Variants in DSCAM observed in about 807,000 individuals in gnomAD.
DSCAM encodes the protein DS cell adhesion molecule.
A neutral mutation model predicts 217.7 loss-of-function variants in DSCAM; 47 were observed. The observed-to-expected ratio is 0.22, with a 90% CI of 0.17 to 0.28. DSCAM has a LOEUF of 0.28. Ranked by LOEUF, DSCAM falls within the 10% of genes least tolerant of loss-of-function variation. The pLI is 1.00. For synonymous variants in DSCAM, 1,056 were observed against 1,015.3 expected (o/e 1.04, Z -0.76); for missense variants, 2,080 against 2,618.3 (o/e 0.79, Z 4.49).
At chr21:40,562,715 G>A (rs747215985) in intron 3 of DSCAM, among the ~76,000 whole-genome samples, 5 of 152,158 alleles carry the variant, frequency 3.3e-5, no homozygotes, top group Non-Finnish European at 7.4e-5. Flanking sequence ...TCTGCTATGT[G>A]TATGAGCCTG....
intron 3 of DSCAM, among the ~76,000 whole-genome samples, chr21:40,608,950 T>C (rs1421432348): frequency 6.6e-6 from 1 of 152,120 alleles, no homozygotes; most frequent in Admixed American, 6.6e-5. Flanking sequence ...CTTCAGATTG[T>C]TATTAATTAA....
intron 3 of DSCAM, among the ~76,000 whole-genome samples, chr21:40,375,903 A>G (rs944912655): frequency 3.9e-5 from 6 of 152,208 alleles, no homozygotes; most frequent in Non-Finnish European, 5.9e-5. Flanking sequence ...TCCTCCAGAG[A>G]TGAATATATT....
chr21:40,108,541 T>C (rs2089852097), intron 20 of DSCAM, among the ~76,000 whole-genome samples: 1 of 152,198 alleles, frequency 6.6e-6, no homozygotes, highest in Non-Finnish European at 1.5e-5. Context: ...TGCTCATGAA[T>C]AGGAAGAATC....
chr21:40,137,639 ACACACATT>A (rs1338783565), intron 18 of DSCAM, among the ~76,000 whole-genome samples: 107 of 108,504 alleles, frequency 9.9e-4, no homozygotes, highest in African/African-American at 4.3e-3. Flanking sequence ...ACACACACAC[ACACACATT>A]AACTGAAGTG....
At chr21:40,131,661 GCGAT>G (rs2090155815) in intron 19 of DSCAM, among the ~76,000 whole-genome samples, 1 of 152,150 alleles carries the variant, frequency 6.6e-6, no homozygotes, top group African/African-American at 2.4e-5. Context: ...CTGGCCTCAA[GCGAT>G]CCACCACTCC....
rs1490776188 is a variant in DSCAM at position 40,175,793 on chromosome 21, A to G, written c.2947+3134T>C. Among the ~76,000 whole-genome samples, 3 of 105,296 alleles carry G rather than the reference A, an allele frequency of 2.8e-5. No homozygotes were observed. The East Asian group carries it at 8.5e-4, about 30-fold the overall frequency. The allele number at this position is 105,296 out of a possible 152,430, so 69.1% of individuals were successfully genotyped here. A position where few individuals can be genotyped will look rare whatever the true frequency, so the allele number is the denominator to read the frequency against. On this transcript the variant is annotated intron_variant, in intron 15 of 32. Transcript: ENST00000400454. Reference sequence around the variant, plus strand: ...TCAACACACACATACACACACACACACACACACACACACACGCACACACAC... The same window carrying G: ...TCAACACACACATACACACACACACGCACACACACACACACGCACACACAC...
chr21:40,102,918 C>G (rs181195426), intron 20 of DSCAM, among the ~76,000 whole-genome samples: 26 of 152,284 alleles, frequency 1.7e-4, no homozygotes, highest in Admixed American at 3.3e-4. Flanking sequence ...AGGGGTCAGG[C>G]TCCCCGACCC....
intron 11 of DSCAM, among the ~76,000 whole-genome samples, chr21:40,223,615 GTATC>G (rs2091307282): frequency 6.6e-6 from 1 of 152,038 alleles, no homozygotes; most frequent in Admixed American, 6.5e-5. Context: ...ACACATCCAT[GTATC>G]TATCTAAATA....
chr21:40,664,247 T>C (rs1297633019), intron 3 of DSCAM, among the ~76,000 whole-genome samples: 1 of 152,212 alleles, frequency 6.6e-6, no homozygotes, highest in African/African-American at 2.4e-5. Context: ...GGGAGATCTG[T>C]ATTGGCATGG....
At chr21:40,190,849 G>A (rs2090945977) in intron 11 of DSCAM, among the ~76,000 whole-genome samples, 1 of 152,208 alleles carries the variant, frequency 6.6e-6, no homozygotes, top group South Asian at 2.1e-4. Flanking sequence ...CAGGACTTCA[G>A]ATGATACAGT....
intron 3 of DSCAM, among the ~76,000 whole-genome samples, chr21:40,575,577 T>C (rs1313707554): frequency 6.6e-6 from 1 of 152,120 alleles, no homozygotes; most frequent in African/African-American, 2.4e-5. Flanking sequence ...AAGAATCAGA[T>C]AAATAGATGG....
At chr21:40,342,648 A>ATTTTTTT (rs1202355440) in intron 6 of DSCAM, among the ~76,000 whole-genome samples, 20 of 80,314 alleles carry the variant, frequency 2.5e-4, no homozygotes, top group African/African-American at 2.1e-4. Flanking sequence ...ATATATATAT[A>ATTTTTTT]TTTTTTTTTT....
At chr21:40,098,144 A>G (rs1467856883) in intron 20 of DSCAM, among the ~76,000 whole-genome samples, 3 of 152,104 alleles carry the variant, frequency 2.0e-5, no homozygotes, top group Admixed American at 6.6e-5. Flanking sequence ...TTTAAAAGCA[A>G]AGGATATTAC....
chr21:40,716,917 T>G (rs1221346709), intron 1 of DSCAM, among the ~76,000 whole-genome samples: 1 of 152,132 alleles, frequency 6.6e-6, no homozygotes, highest in Non-Finnish European at 1.5e-5. Context: ...GACAGAAACA[T>G]TCACAAAATG....
At chr21:40,610,643 A>G (rs1449304590) in intron 3 of DSCAM, among the ~76,000 whole-genome samples, 2 of 152,182 alleles carry the variant, frequency 1.3e-5, no homozygotes, top group African/African-American at 2.4e-5. Context: ...TCTAATCTGC[A>G]TAATAAGATT....
chr21:40,384,781 T>G (rs761972034), intron 3 of DSCAM: 1 of 152,294 alleles, frequency 6.6e-6, no homozygotes, highest in Non-Finnish European at 1.5e-5. Flanking sequence ...GGTCTCATCA[T>G]GATCCTTGTT....
At chr21:40,146,666 T>C (rs761631451) in intron 16 of DSCAM, among the ~76,000 whole-genome samples, 1 of 152,174 alleles carries the variant, frequency 6.6e-6, no homozygotes, top group Non-Finnish European at 1.5e-5. Flanking sequence ...AGTATATTCA[T>C]GGTGCCAGCA....
At chr21:40,786,491 A>C (rs1381580303) in intron 1 of DSCAM, among the ~76,000 whole-genome samples, 4 of 152,112 alleles carry the variant, frequency 2.6e-5, no homozygotes, top group African/African-American at 7.2e-5. Context: ...GCCCACCTGG[A>C]CCTAATCAAT....
At chr21:40,366,701 G>A (rs976481396) in intron 4 of DSCAM, among the ~76,000 whole-genome samples, 1 of 151,972 alleles carries the variant, frequency 6.6e-6, no homozygotes, top group Non-Finnish European at 1.5e-5. Context: ...GAGATTCTTA[G>A]TTAATTAGGA....
Sources: gnomAD v4.1 joint callset for allele counts (sites outside exome capture counted in the v4.1 genomes callset) on GRCh38, gnomAD v4.1.1 for gene constraint, MANE v1.5 for transcripts, NCBI Gene and HGNC (gene_info 2026-07-23, HGNC 2026-07-21) for gene names.